Variants in ADAM29 observed in about 807,000 individuals in gnomAD.
ADAM29 encodes the protein disintegrin and metalloproteinase domain-containing protein 29.
For synonymous variants in ADAM29, 367 were observed against 342.3 expected (o/e 1.07, Z -0.80); for missense variants, 969 against 1,001.8 (o/e 0.97, Z 0.44).
At chr4:174,957,301 T>C (rs1745561719) in intron 4 of ADAM29, among the ~76,000 whole-genome samples, 1 of 151,886 alleles carries the variant, frequency 6.6e-6, no homozygotes, top group Non-Finnish European at 1.5e-5. Context: ...CTAAGGATTA[T>C]ATTATTGCAA....
At chr4:174,951,750 A>G (rs569253600) in intron 4 of ADAM29, among the ~76,000 whole-genome samples, 1 of 152,038 alleles carries the variant, frequency 6.6e-6, no homozygotes, top group South Asian at 2.1e-4. Context: ...TGCGCTCTCA[A>G]CCATCAGCAG....
intron 2 of ADAM29, among the ~76,000 whole-genome samples, chr4:174,923,533 A>G (rs998230995): frequency 2.0e-4 from 16 of 79,966 alleles, no homozygotes; most frequent in Admixed American, 3.3e-4. Flanking sequence ...ATGTATATAT[A>G]TATATATATA....
intron 2 of ADAM29, among the ~76,000 whole-genome samples, chr4:174,923,230 T>C (rs1743269368): frequency 2.0e-5 from 3 of 151,868 alleles, no homozygotes. Context: ...CTAATTTTTG[T>C]ATTTTTAGTA....
At chr4:174,957,150 G>A (rs1367493738) in intron 4 of ADAM29, among the ~76,000 whole-genome samples, 1 of 151,786 alleles carries the variant, frequency 6.6e-6, no homozygotes, top group South Asian at 2.1e-4. Flanking sequence ...GAAAACCATG[G>A]ACCCTCTCAA....
intron 4 of ADAM29, among the ~76,000 whole-genome samples, chr4:174,955,021 T>C (rs1745418453): frequency 1.3e-5 from 2 of 152,126 alleles, no homozygotes; most frequent in Admixed American, 1.3e-4. Flanking sequence ...AGATTTTAAA[T>C]GAAAAAATAA....
intron 4 of ADAM29, among the ~76,000 whole-genome samples, chr4:174,944,576 C>G (rs1024805865): frequency 2.0e-5 from 3 of 152,012 alleles, no homozygotes; most frequent in Non-Finnish European, 2.9e-5. Context: ...AAGTTTGTTG[C>G]ATAGGCAAAC....
intron 4 of ADAM29, among the ~76,000 whole-genome samples, chr4:174,971,795 C>T (rs1305278058): frequency 6.6e-6 from 1 of 152,002 alleles, no homozygotes; most frequent in Non-Finnish European, 1.5e-5. Flanking sequence ...GGCTTTCTGG[C>T]CCCTTCTCTC....
At chr4:174,941,177 C>T (rs903257347) in intron 4 of ADAM29, among the ~76,000 whole-genome samples, 2 of 151,976 alleles carry the variant, frequency 1.3e-5, no homozygotes, top group Non-Finnish European at 2.9e-5. Flanking sequence ...TCTGGTCCAC[C>T]TAATAATTCT....
intron 3 of ADAM29, among the ~76,000 whole-genome samples, chr4:174,935,781 T>C (rs939501218): frequency 2.0e-5 from 3 of 152,062 alleles, no homozygotes; most frequent in African/African-American, 4.8e-5. Context: ...TCTCTGTAAA[T>C]AGAAAGATGT....
intron 4 of ADAM29, among the ~76,000 whole-genome samples, chr4:174,957,087 G>T (rs915034045): frequency 9.2e-5 from 14 of 151,778 alleles, no homozygotes; most frequent in Non-Finnish European, 1.9e-4. Flanking sequence ...GGCAACAATT[G>T]CTTCATATAT....
intron 4 of ADAM29, among the ~76,000 whole-genome samples, chr4:174,974,446 C>G (rs1157807197): frequency 1.3e-5 from 2 of 152,158 alleles, no homozygotes; most frequent in Admixed American, 1.3e-4. Flanking sequence ...CTTCTATTCT[C>G]TATGTCCATG....
In ADAM29 at chr4:174,977,226, T is replaced by C. The variant is rs751470542; in HGVS notation, c.1701T>C (p.Asp567=). The change falls in exon 5 of 5, where the codon GAT becomes GAC. Residue 567 remains aspartate (D), a synonymous_variant. Coordinates refer to ENST00000359240, the MANE Select transcript of ADAM29 (RefSeq NM_014269.4). ...TGACAGAAATTCCCAATATGAGTGATCATACTACTGTGCATTGGGCTCGCT... is the reference window on the plus strand; with the variant it reads ...TGACAGAAATTCCCAATATGAGTGACCATACTACTGTGCATTGGGCTCGCT... ...ENVTEIPNMS[D]HTTVHWARFN... is the part of the protein sequence containing the mutation. 2 of 1,614,100 alleles carry C rather than the reference T, an allele frequency of 1.2e-6. No individual in the cohort carries two copies. Among genetic ancestry groups the C allele is most frequent in the Non-Finnish European group, 1.7e-6 (2 of 1,180,046 alleles).
Position 174,977,236 on chromosome 4 carries a change from G to A in ADAM29, c.1711G>A (p.Val571Met), listed in dbSNP as rs1234360387. Residue 571 changes from valine to methionine, a missense_variant, in exon 5 of 5, where the codon GTG becomes ATG. Val to Met is a conservative substitution (Grantham distance 21, BLOSUM62 1). Coordinates refer to ENST00000359240, the MANE Select transcript of ADAM29 (RefSeq NM_014269.4). ...EIPNMSDHTT[V>M]HWARFNDIMC... ...TCCCAATATGAGTGATCATACTACTGTGCATTGGGCTCGCTTCAATGACAT... is the reference window on the plus strand; with the variant it reads ...TCCCAATATGAGTGATCATACTACTATGCATTGGGCTCGCTTCAATGACAT... 2 of 1,614,076 alleles carry A rather than the reference G, an allele frequency of 1.2e-6. No homozygotes were observed. The highest frequency in any genetic ancestry group is 1.7e-6 in the Non-Finnish European group (2 of 1,180,032).
chr4:174,941,666 T>C (rs1376003301), intron 4 of ADAM29, among the ~76,000 whole-genome samples: 1 of 152,066 alleles, frequency 6.6e-6, no homozygotes, highest in African/African-American at 2.4e-5. Flanking sequence ...TCCTGACAAA[T>C]GAGGATTGCA....
intron 4 of ADAM29, among the ~76,000 whole-genome samples, chr4:174,973,514 C>T (rs1474560383): frequency 2.0e-5 from 3 of 152,092 alleles, no homozygotes; most frequent in South Asian, 2.1e-4. Context: ...GGGAGTAGGA[C>T]GGTGCAGAAC....
chr4:174,929,795 T>TCCA (rs1316528059), intron 2 of ADAM29, among the ~76,000 whole-genome samples: 2 of 151,542 alleles, frequency 1.3e-5, no homozygotes, highest in Non-Finnish European at 2.9e-5. Context: ...CTCACTCTGT[T>TCCA]GCCCAGGCTG....
Position 174,978,158 on chromosome 4 carries a change from C to T in ADAM29, c.*170C>T, listed in dbSNP as rs1747026179. ...CCAAAAACTGTATCCAGAAAAGGTA[C>T]ATTAAAAAAATAATTCCTAGTATGT... On this transcript the variant is annotated 3_prime_UTR_variant, in exon 5 of 5. Transcript: ENST00000359240. 9.1e-7 allele frequency: 1 copy of T among 1,099,284 alleles called. No homozygotes were observed. Among genetic ancestry groups the T allele is most frequent in the Admixed American group, 2.4e-5 (1 of 40,886 alleles). 68.1% of individuals were successfully genotyped at this position (1,099,284 alleles called of 1,614,324 possible). A position where few individuals can be genotyped will look rare whatever the true frequency, so the allele number is the denominator to read the frequency against.
At chr4:174,933,079 G>C (rs1303548826) in intron 3 of ADAM29, among the ~76,000 whole-genome samples, 7 of 152,148 alleles carry the variant, frequency 4.6e-5, no homozygotes, top group Non-Finnish European at 1.5e-5. Context: ...CTCTGAGGAT[G>C]TTTTGTAATT....
At chr4:174,924,261 G>C (rs972636105) in intron 2 of ADAM29, among the ~76,000 whole-genome samples, 4 of 152,070 alleles carry the variant, frequency 2.6e-5, no homozygotes, top group African/African-American at 9.7e-5. Flanking sequence ...TTGTCTTTAG[G>C]AAATTGCAAA....
Sources: gnomAD v4.1 joint callset for allele counts (sites outside exome capture counted in the v4.1 genomes callset) on GRCh38, gnomAD v4.1.1 for gene constraint, MANE v1.5 for transcripts, NCBI Gene and HGNC (gene_info 2026-07-23, HGNC 2026-07-21) for gene names.